The following SCHIP1 variants were observed in gnomAD, a reference collection of about 807,000 sequenced individuals.
SCHIP1 encodes the protein schwannomin interacting protein 1.
A neutral mutation model predicts 29.7 loss-of-function variants in SCHIP1; 8 were observed. The ratio of observed to expected loss-of-function variants is 0.27; its 90% CI spans 0.16 to 0.49. The LOEUF is 0.49. Ranked by LOEUF, SCHIP1 falls within the 20% of genes least tolerant of loss-of-function variation. The pLI is 0.99. For synonymous variants in SCHIP1, 76 were observed against 94.9 expected (o/e 0.80, Z 1.16); for missense variants, 193 against 294.6 (o/e 0.66, Z 2.52).
At chr3:159,671,219 A>G in the SCHIP1 span, among the ~76,000 whole-genome samples, 5 of 152,046 alleles carry the variant, frequency 3.3e-5, no homozygotes, top group Admixed American at 3.3e-4. Context: ...TTTTTGCACA[A>G]CCTATTCTAT....
At chr3:159,370,518 A>G in the SCHIP1 span, among the ~76,000 whole-genome samples, 1 of 152,176 alleles carries the variant, frequency 6.6e-6, no homozygotes. Context: ...GAGCTAAGGG[A>G]TGCCCAGATA....
At chr3:159,794,142 G>A in the SCHIP1 span, among the ~76,000 whole-genome samples, 1 of 152,120 alleles carries the variant, frequency 6.6e-6, no homozygotes, top group East Asian at 1.9e-4. Context: ...AGGATGGGGG[G>A]TCATTATTCT....
the SCHIP1 span, among the ~76,000 whole-genome samples, chr3:159,307,535 G>T: frequency 4.1e-4 from 62 of 151,842 alleles, no homozygotes; most frequent in African/African-American, 1.4e-3. Flanking sequence ...ATTTTTTTTT[G>T]ATATTTTCCT....
the SCHIP1 span, among the ~76,000 whole-genome samples, chr3:159,711,942 T>TTGCTGCTGCTGCTGCTGCTGCTGC: frequency 2.3e-4 from 35 of 151,414 alleles, no homozygotes; most frequent in South Asian, 1.0e-3. Context: ...TAGGAAGATA[T>TTGCTGCTGCTGCTGCTGCTGCTGC]TGCTGCTGCT....
At chr3:159,396,574 T>C in the SCHIP1 span, among the ~76,000 whole-genome samples, 1 of 150,032 alleles carries the variant, frequency 6.7e-6, no homozygotes, top group African/African-American at 2.5e-5. Flanking sequence ...TCTCCTTCAC[T>C]TATAAAGCTT....
At chr3:159,319,527 C>G in the SCHIP1 span, among the ~76,000 whole-genome samples, 14 of 152,040 alleles carry the variant, frequency 9.2e-5, no homozygotes, top group Non-Finnish European at 1.9e-4. Flanking sequence ...TTAGGGTGAC[C>G]CTTTAAGATC....
At chr3:159,533,816 T>G in the SCHIP1 span, among the ~76,000 whole-genome samples, 3 of 152,106 alleles carry the variant, frequency 2.0e-5, no homozygotes, top group African/African-American at 7.2e-5. Flanking sequence ...AATTCTGGGG[T>G]TTTATAGCTA....
At chr3:159,847,742 C>T (rs1712028904) in intron 1 of SCHIP1, among the ~76,000 whole-genome samples, 1 of 152,248 alleles carries the variant, frequency 6.6e-6, no homozygotes, top group Non-Finnish European at 1.5e-5. Context: ...AGCACTGCCA[C>T]CTCCCCACCC....
At chr3:159,732,936 C>G in the SCHIP1 span, among the ~76,000 whole-genome samples, 13 of 152,172 alleles carry the variant, frequency 8.5e-5, no homozygotes, top group African/African-American at 3.1e-4. Context: ...TGCAGCCTGG[C>G]TTGTTAGCCA....
chr3:159,332,606 G>A, the SCHIP1 span, among the ~76,000 whole-genome samples: 5 of 152,126 alleles, frequency 3.3e-5, no homozygotes, highest in African/African-American at 4.8e-5. Flanking sequence ...GGTTTGGTGT[G>A]GAGCCTGCTG....
chr3:159,323,833 G>A, the SCHIP1 span, among the ~76,000 whole-genome samples: 1 of 152,194 alleles, frequency 6.6e-6, no homozygotes, highest in Non-Finnish European at 1.5e-5. Context: ...GAGGCTGTTG[G>A]CCTGGGAATG....
At position 159,872,111 on chromosome 3, in the gene SCHIP1, G is replaced by A. The variant is rs1358654888; in HGVS notation, c.149+5830G>A. ...CTAAAATTTCATCAAAATCCCTTGT[G>A]TGCTGTTGTTTCCATTTCCTTTTTC... On this transcript the variant is annotated intron_variant, in intron 2 of 6. Transcript: ENST00000445224. Among the ~76,000 whole-genome samples the A allele has an allele frequency of 3.9e-5, 6 of 152,218 alleles. No individual in the cohort carries two copies. In the South Asian group the frequency reaches 1.2e-3, roughly 32 times the overall value.
chr3:159,438,809 AG>A, the SCHIP1 span, among the ~76,000 whole-genome samples: 1 of 152,136 alleles, frequency 6.6e-6, no homozygotes, highest in South Asian at 2.1e-4. Flanking sequence ...GTCCCTACAA[AG>A]GACATGATCT....
At chr3:159,660,305 A>C in the SCHIP1 span, among the ~76,000 whole-genome samples, 2 of 152,132 alleles carry the variant, frequency 1.3e-5, no homozygotes, top group Admixed American at 6.5e-5. Context: ...AATAAAAGCC[A>C]ATAGAGCTAC....
chr3:159,749,207 G>A, the SCHIP1 span, among the ~76,000 whole-genome samples: 1 of 152,064 alleles, frequency 6.6e-6, no homozygotes, highest in South Asian at 2.1e-4. Context: ...CCAGCTACTG[G>A]TGGGGTAGCG....
At chr3:159,594,717 T>A in the SCHIP1 span, among the ~76,000 whole-genome samples, 3 of 152,210 alleles carry the variant, frequency 2.0e-5, no homozygotes, top group East Asian at 5.8e-4. Flanking sequence ...ACTATAATTT[T>A]ATTTCTGAAT....
the SCHIP1 span, among the ~76,000 whole-genome samples, chr3:159,433,517 A>C: frequency 6.6e-6 from 1 of 152,166 alleles, no homozygotes; most frequent in Admixed American, 6.5e-5. Context: ...TTATTCTCAA[A>C]TGACTGGAAA....
chr3:159,633,260 G>T, the SCHIP1 span, among the ~76,000 whole-genome samples: 1 of 152,112 alleles, frequency 6.6e-6, no homozygotes, highest in Non-Finnish European at 1.5e-5. Flanking sequence ...AATAAACCTT[G>T]AATTTATTCT....
intron 1 of SCHIP1, among the ~76,000 whole-genome samples, chr3:159,853,680 ATGT>A (rs1433781679): frequency 6.6e-6 from 1 of 152,312 alleles, no homozygotes; most frequent in African/African-American, 2.4e-5. Context: ...TAAAACACAC[ATGT>A]TGTTATTCTG....
Sources: gnomAD v4.1 joint callset for allele counts (sites outside exome capture counted in the v4.1 genomes callset) on GRCh38, gnomAD v4.1.1 for gene constraint, MANE v1.5 for transcripts, NCBI Gene and HGNC (gene_info 2026-07-23, HGNC 2026-07-21) for gene names.